WDR35: variants seen among roughly 807,000 people sequenced by gnomAD.
The protein encoded by WDR35 is WD repeat-containing protein 35.
In WDR35, 118 loss-of-function variants were observed where a neutral mutation model predicts 158.3. The ratio of observed to expected loss-of-function variants is 0.75; its 90% CI spans 0.64 to 0.87. The LOEUF is 0.87. WDR35 is among the 40% of genes least tolerant of loss of function. WDR35 has a pLI of 0.00. For synonymous variants in WDR35, 448 were observed against 476.1 expected, an observed-to-expected ratio of 0.94 and a Z score of 0.77; for missense variants, 1,263 against 1,405.8, an observed-to-expected ratio of 0.90 and a Z score of 1.62.
rs1672179416 is a variant in WDR35 at position 19,975,589 on chromosome 2, A to T, written c.511T>A (p.Leu171Ile). Reference sequence around the variant, plus strand: ...TCCCCATTTGCCATTCCAAAAAGTAAGACTTTACTGTCCGCAGACCATGTT... The same window carrying T: ...TCCCCATTTGCCATTCCAAAAAGTATGACTTTACTGTCCGCAGACCATGTT... Reference protein sequence around the residue: ...HVTWSADSKVLLFGMANGEIH... With the variant: ...HVTWSADSKVILFGMANGEIH... Residue 171 changes from leucine (L) to isoleucine (I), a missense_variant, in exon 6 of 27, where the codon TTA (leucine) becomes ATA (isoleucine). Transcript: ENST00000281405. 6.2e-7 allele frequency: 1 copy of T among 1,613,970 alleles called. No individual in the cohort carries two copies. Among genetic ancestry groups the T allele is most frequent in the African/African-American group, 1.3e-5 (1 of 74,930 alleles).
At chr2:19,970,461 T>G (rs1672003809) in intron 8 of WDR35, among the ~76,000 whole-genome samples, 1 of 152,204 alleles carries the variant, frequency 6.6e-6, no homozygotes, top group Non-Finnish European at 1.5e-5. Context: ...ATCTGTTTCC[T>G]TATTCTCCCC....
intron 25 of WDR35, among the ~76,000 whole-genome samples, chr2:19,918,957 C>T (rs1670073789): frequency 6.6e-6 from 1 of 152,168 alleles, no homozygotes; most frequent in Non-Finnish European, 1.5e-5. Context: ...CTTCTCAGCA[C>T]CACATGGCAG....
intron 9 of WDR35, 39 bp from the exon 10 acceptor site, chr2:19,966,948 A>T (rs947928498): frequency 6.3e-7 from 1 of 1,592,930 alleles, no homozygotes; most frequent in Non-Finnish European, 8.6e-7. Flanking sequence ...GGAGATTGAA[A>T]GGGAGAAGAA....
chr2:19,938,019 C>A (rs760944291), intron 18 of WDR35, 73 bp from the exon 19 acceptor site: 2 of 1,537,138 alleles, frequency 1.3e-6, no homozygotes, highest in South Asian at 2.3e-5. Context: ...AATCACAATT[C>A]AATTATCATT....
intron 16 of WDR35, 57 bp from the exon 17 acceptor site, chr2:19,941,896 A>C: frequency 8.0e-7 from 1 of 1,253,452 alleles, no homozygotes; most frequent in South Asian, 1.3e-5. Context: ...CTCTTTTAAC[A>C]AATCATGCTT....
chr2:19,946,058 A>G (rs1030862563), intron 15 of WDR35, 62 bp from the exon 16 acceptor site: 59 of 1,500,170 alleles, frequency 3.9e-5, no homozygotes, highest in Non-Finnish European at 5.4e-5. Context: ...CAATCATGAG[A>G]ATAATTACCT....
At chr2:19,948,376 G>A (rs1440780896) in intron 13 of WDR35, among the ~76,000 whole-genome samples, 159 bp from the exon 14 acceptor site, 2 of 152,084 alleles carry the variant, frequency 1.3e-5, no homozygotes, top group African/African-American at 2.4e-5. Flanking sequence ...ACTGAACTAA[G>A]CACTAGAGAT....
chr2:19,989,167 G>A lies in WDR35; in HGVS notation c.140C>T (p.Thr47Ile), dbSNP rs565600626. 3 of 1,613,796 alleles carry A rather than the reference G, an allele frequency of 1.9e-6. No individual in the cohort carries two copies. Among genetic ancestry groups the A allele is most frequent in the Admixed American group, 1.7e-5 (1 of 60,014 alleles). ...CATGTGGGCTTGCATTCATTTACCTGTCTGCGTCTCTAATTTCAAAACTTT... is the reference window on the plus strand; with the variant it reads ...CATGTGGGCTTGCATTCATTTACCTATCTGCGTCTCTAATTTCAAAACTTT... ...LLKVLKLETQ[T>I]DDAKLRGLAA... Residue 47 changes from threonine (T) to isoleucine (I), a missense_variant and splice_region_variant, in exon 2 of 27, where the codon ACA becomes ATA. Thr to Ile is a moderately conservative substitution (Grantham distance 89). Transcript: ENST00000281405.
chr2:19,952,257 G>A (rs537099765), intron 12 of WDR35, among the ~76,000 whole-genome samples: 2 of 152,178 alleles, frequency 1.3e-5, no homozygotes, highest in Non-Finnish European at 1.5e-5. Flanking sequence ...GTGACCTTTG[G>A]CAAATACTTT....
chr2:19,973,469 A>G (rs1250634633), intron 8 of WDR35, 94 bp downstream of exon 8: 7 of 1,494,172 alleles, frequency 4.7e-6, no homozygotes, highest in Non-Finnish European at 6.4e-6. Flanking sequence ...AGAAAATGTG[A>G]TAAGTTTACA....
intron 17 of WDR35, among the ~76,000 whole-genome samples, chr2:19,941,195 A>G (rs1670861190): frequency 6.6e-6 from 1 of 152,056 alleles, no homozygotes; most frequent in Admixed American, 6.6e-5. Flanking sequence ...ATTCTTAGAG[A>G]AAAAAAATTC....
chr2:19,990,039 G>T lies in WDR35; in HGVS notation c.-24C>A. On this transcript the variant is annotated 5_prime_UTR_variant, in exon 1 of 27. Coordinates refer to ENST00000281405, the MANE Select transcript of WDR35 (RefSeq NM_020779.4). Reference sequence around the variant, plus strand: ...ATCGTGGGATCCCCGAGAGGGTCACGGCGGCCGCTAAGGCCCTCGACAAGT... The same window carrying T: ...ATCGTGGGATCCCCGAGAGGGTCACTGCGGCCGCTAAGGCCCTCGACAAGT... The T allele has an allele frequency of 6.2e-7, 1 of 1,613,472 alleles. No homozygotes were observed. Among genetic ancestry groups the T allele is most frequent in the Non-Finnish European group, 8.5e-7 (1 of 1,179,744 alleles).
intron 17 of WDR35, among the ~76,000 whole-genome samples, chr2:19,938,986 C>T (rs1670788606): frequency 6.6e-6 from 1 of 152,164 alleles, no homozygotes; most frequent in African/African-American, 2.4e-5. Context: ...TTAGGTAAAT[C>T]ATTTTACCAC....
chr2:19,961,714 C>A (rs543592193), intron 10 of WDR35, among the ~76,000 whole-genome samples: 1 of 152,138 alleles, frequency 6.6e-6, no homozygotes, highest in African/African-American at 2.4e-5. Context: ...ATGCTCAAGG[C>A]ATTTTGCTTG....
chr2:19,954,459 T>C (rs537705698), intron 11 of WDR35, among the ~76,000 whole-genome samples: 1 of 152,236 alleles, frequency 6.6e-6, no homozygotes, highest in African/African-American at 2.4e-5. Flanking sequence ...TATAAAGAAC[T>C]CTTACAACTC....
At position 19,928,718 on chromosome 2, in the gene WDR35, T is replaced by C. The variant is rs535911370; in HGVS notation, c.3121+1678A>G. Among the ~76,000 whole-genome samples the C allele has an allele frequency of 1.8e-4, 27 of 152,288 alleles. No individual in the cohort carries two copies. In the East Asian group the frequency reaches 5.2e-3, roughly 29 times the overall value. ...ATATCATCATCACAGCTACCACTTATTGAGGGCTCACAATGTCCAGGCAGC... is the reference window on the plus strand; with the variant it reads ...ATATCATCATCACAGCTACCACTTACTGAGGGCTCACAATGTCCAGGCAGC... On this transcript the variant is annotated intron_variant, in intron 25 of 26. Transcript: ENST00000281405.
intron 21 of WDR35, 135 bp downstream of exon 21, chr2:19,935,336 C>G: frequency 1.1e-6 from 1 of 909,308 alleles, no homozygotes; most frequent in East Asian, 2.8e-5. Flanking sequence ...TAATTAAAAG[C>G]ATCATTCCAT....
At chr2:19,954,418 G>A (rs1437859) in intron 11 of WDR35, among the ~76,000 whole-genome samples, 69,356 of 152,026 alleles carry the variant, frequency 0.46, 16,045 homozygotes, top group East Asian at 0.64. Flanking sequence ...TTTGCAAATC[G>A]TGTATCTGAA....
intron 2 of WDR35, among the ~76,000 whole-genome samples, chr2:19,985,561 T>C (rs1465681215): frequency 2.3e-5 from 3 of 131,514 alleles, no homozygotes; most frequent in African/African-American, 5.8e-5. Context: ...GGCAAGGAAA[T>C]GACATCATCT....
Sources: gnomAD v4.1 joint callset for allele counts (sites outside exome capture counted in the v4.1 genomes callset) on GRCh38, gnomAD v4.1.1 for gene constraint, MANE v1.5 for transcripts, NCBI Gene and HGNC (gene_info 2026-07-23, HGNC 2026-07-21) for gene names.